Variants in SLX4IP observed in about 807,000 individuals in gnomAD.
SLX4IP encodes SLX4 interacting protein.
In SLX4IP, 34 loss-of-function variants were observed where a neutral mutation model predicts 32.9. That is an observed-to-expected ratio of 1.03 (90% CI 0.79 to 1.38). The LOEUF (loss-of-function observed/expected upper bound fraction) is 1.38. Among genes scored for constraint, SLX4IP ranks in the 40% most tolerant of loss-of-function variants. SLX4IP has a pLI of 0.00. For synonymous variants in SLX4IP, 172 were observed against 171.7 expected, an observed-to-expected ratio of 1.00 and a Z score of -0.01; for missense variants, 444 against 479.0, an observed-to-expected ratio of 0.93 and a Z score of 0.68.
At chr20:10,560,899 C>T in intron 4 of SLX4IP, 79 bp downstream of exon 4, 1 of 1,328,834 alleles carries the variant, frequency 7.5e-7, no homozygotes, top group Non-Finnish European at 1.0e-6. Flanking sequence ...ATGTTTGACT[C>T]TGACTGTCAT....
intron 4 of SLX4IP, among the ~76,000 whole-genome samples, chr20:10,596,043 A>G (rs934220445): frequency 6.6e-6 from 1 of 152,158 alleles, no homozygotes; most frequent in Non-Finnish European, 1.5e-5. Context: ...TCAGTAACAA[A>G]TCACTTGAAA....
chr20:10,472,463 C>G (rs59631130), intron 2 of SLX4IP, among the ~76,000 whole-genome samples: 9 of 152,156 alleles, frequency 5.9e-5, no homozygotes, highest in African/African-American at 2.2e-4. Context: ...ATCTCCTGAC[C>G]TCGTGATCTG....
chr20:10,506,057 T>G (rs2065757095), intron 2 of SLX4IP, among the ~76,000 whole-genome samples: 1 of 152,246 alleles, frequency 6.6e-6, no homozygotes, highest in Admixed American at 6.5e-5. Flanking sequence ...AAATATTTCT[T>G]GTGCACTATT....
At chr20:10,566,283 ATTTTTTTTTTTTTTTT>A (rs59907123) in intron 4 of SLX4IP, among the ~76,000 whole-genome samples, 23 of 97,878 alleles carry the variant, frequency 2.3e-4, no homozygotes, top group Admixed American at 9.6e-4. Flanking sequence ...AACTGATTAC[ATTTTTTTTTTTTTTTT>A]TTTTTTTTTT....
At chr20:10,594,831 A>G (rs769678895) in intron 4 of SLX4IP, among the ~76,000 whole-genome samples, 5 of 152,210 alleles carry the variant, frequency 3.3e-5, no homozygotes, top group Non-Finnish European at 5.9e-5. Flanking sequence ...TAGACAGAAT[A>G]TGAAATAAAA....
chr20:10,532,682 G>A (rs997692337), intron 2 of SLX4IP, among the ~76,000 whole-genome samples: 1 of 152,036 alleles, frequency 6.6e-6, no homozygotes, highest in East Asian at 1.9e-4. Flanking sequence ...TCCAAGATGG[G>A]TGCATATCCC....
At chr20:10,477,805 T>A (rs1298688548) in intron 2 of SLX4IP, among the ~76,000 whole-genome samples, 3 of 152,164 alleles carry the variant, frequency 2.0e-5, no homozygotes, top group African/African-American at 7.2e-5. Context: ...ATTTTAAGAT[T>A]ATATAGGCTC....
intron 2 of SLX4IP, among the ~76,000 whole-genome samples, chr20:10,500,479 G>C (rs1487713348): frequency 6.6e-6 from 1 of 152,118 alleles, no homozygotes; most frequent in African/African-American, 2.4e-5. Flanking sequence ...GGCCAGGCAT[G>C]GTGGCTCATA....
chr20:10,473,791 A>G (rs2065448709), intron 2 of SLX4IP, among the ~76,000 whole-genome samples: 1 of 150,354 alleles, frequency 6.7e-6, no homozygotes, highest in African/African-American at 2.5e-5. Context: ...TGTTTAGTAG[A>G]GACGGGGTTT....
intron 2 of SLX4IP, among the ~76,000 whole-genome samples, chr20:10,542,100 G>A (rs1487637411): frequency 6.6e-6 from 1 of 152,218 alleles, no homozygotes; most frequent in East Asian, 1.9e-4. Context: ...AATGCAACAA[G>A]CCAGCAGTCA....
At chr20:10,595,401 C>T (rs2066757810) in intron 4 of SLX4IP, among the ~76,000 whole-genome samples, 1 of 152,194 alleles carries the variant, frequency 6.6e-6, no homozygotes, top group South Asian at 2.1e-4. Context: ...AAGATGATCA[C>T]TTTATGATTT....
chr20:10,553,461 A>T (rs1193401145), intron 2 of SLX4IP, among the ~76,000 whole-genome samples: 1 of 152,246 alleles, frequency 6.6e-6, no homozygotes, highest in Admixed American at 6.5e-5. Flanking sequence ...AACTTTCATC[A>T]GCTTCACAGT....
In SLX4IP at chr20:10,512,774, CACTCTATATATATATA is replaced by C. The variant is rs1209318303; in HGVS notation, c.28-43456_28-43441del. 1.1e-4 allele frequency among the ~76,000 whole-genome samples: 3 copies of C among 26,090 alleles called. No homozygotes were observed. In the South Asian group the frequency reaches 4.7e-3, roughly 41 times the overall value. The allele number at this position is 26,090 out of a possible 152,430, so 17.1% of individuals were successfully genotyped here. ...TTTTATGTATATATATACACACACACACTCTATATATATATATATATATATATATATATATATATAT... is the reference window on the plus strand; with the variant it reads ...TTTTATGTATATATATACACACACACTATATATATATATATATATATATAT... On this transcript the variant is annotated intron_variant, in intron 2 of 7. Transcript: ENST00000334534.
At chr20:10,554,242 C>T (rs541154305) in intron 2 of SLX4IP, among the ~76,000 whole-genome samples, 1 of 152,300 alleles carries the variant, frequency 6.6e-6, no homozygotes, top group South Asian at 2.1e-4. Context: ...GTTTCTTTTG[C>T]TCAACCTAAT....
chr20:10,528,442 ATCTGATAC>A (rs1452051470), intron 2 of SLX4IP, among the ~76,000 whole-genome samples: 2 of 152,092 alleles, frequency 1.3e-5, no homozygotes, highest in Admixed American at 6.5e-5. Context: ...CCTTTCCTTT[ATCTGATAC>A]TCATGAGTAA....
At chr20:10,545,317 C>T (rs536590656) in intron 2 of SLX4IP, among the ~76,000 whole-genome samples, 28 of 152,248 alleles carry the variant, frequency 1.8e-4, no homozygotes, top group Non-Finnish European at 3.1e-4. Context: ...GTAGAAACTC[C>T]TCATTCTGAG....
At chr20:10,599,837 C>T (rs1335701288) in intron 5 of SLX4IP, among the ~76,000 whole-genome samples, 1 of 152,148 alleles carries the variant, frequency 6.6e-6, no homozygotes, top group Admixed American at 6.5e-5. Context: ...AATAGTACAA[C>T]TCTCAATAAT....
At chr20:10,456,171 G>C (rs2122339748) in intron 1 of SLX4IP, among the ~76,000 whole-genome samples, 1 of 152,084 alleles carries the variant, frequency 6.6e-6, no homozygotes, top group South Asian at 2.1e-4. Flanking sequence ...GTTTAGATTT[G>C]GATCTCATCC....
In SLX4IP at chr20:10,583,460, AT is replaced by A. The variant is rs1259499308; in HGVS notation, c.239-15207del. Among the ~76,000 whole-genome samples the A allele has an allele frequency of 3.3e-5, 5 of 151,828 alleles. No homozygotes were observed. The East Asian group carries it at 9.7e-4, about 29-fold the overall frequency. ...TAACCTGTAGGAACCCTCATCCCCA[AT>A]TTTTTTTCTATCTGTTTATTTAAGA... On this transcript the variant is annotated intron_variant, in intron 4 of 7. Coordinates refer to ENST00000334534, the MANE Select transcript of SLX4IP (RefSeq NM_001009608.3).
Sources: allele counts gnomAD v4.1 joint callset (sites outside exome capture counted in the v4.1 genomes callset), GRCh38; gene constraint gnomAD v4.1.1; transcripts MANE v1.5; gene names NCBI Gene and HGNC (gene_info 2026-07-23, HGNC 2026-07-21).